The following AGPAT4 variants were observed in gnomAD, a reference collection of about 807,000 sequenced individuals.
The protein encoded by AGPAT4 is 1-acyl-sn-glycerol-3-phosphate acyltransferase delta.
In AGPAT4, 15 loss-of-function variants were observed where a neutral mutation model predicts 48.0. The ratio of observed to expected loss-of-function variants is 0.31; its 90% CI spans 0.21 to 0.48. AGPAT4 has a LOEUF of 0.48. Ranked by LOEUF, AGPAT4 falls within the 20% of genes least tolerant of loss-of-function variation. The probability of loss-of-function intolerance (pLI) is 0.99; values close to 1 mark genes in which losing one functional copy is unlikely to be tolerated. For missense variants in AGPAT4, 314 were observed against 482.5 expected (o/e 0.65, Z 3.27); for synonymous variants, 178 against 198.7 (o/e 0.90, Z 0.88).
chr6:161,182,354 C>T (rs557580184), intron 2 of AGPAT4, among the ~76,000 whole-genome samples: 3 of 147,766 alleles, frequency 2.0e-5, no homozygotes, highest in Non-Finnish European at 4.5e-5. Context: ...TCCCCTCACC[C>T]CAGCCCTGCA....
At chr6:161,247,981 C>CAAAAAAAAAAAAA (rs143168079) in intron 1 of AGPAT4, among the ~76,000 whole-genome samples, 1 of 28,212 alleles carries the variant, frequency 3.5e-5, no homozygotes, top group African/African-American at 1.5e-4. Context: ...GACTCTGTCT[C>CAAAAAAAAAAAAA]AAAAAAAAAA....
rs1473230449 is a variant in AGPAT4, at chr6:161,272,072, G to T, written c.-90+1866C>A. The stretch of plus-strand genomic sequence containing the variant: ...AAATAGTTCTCGTCTTTAACTCCAT[G>T]TGGCTCTGGTTTGTTTTGTGCCATG... On this transcript the variant is annotated intron_variant, in intron 1 of 8. Coordinates refer to ENST00000320285, the MANE Select transcript of AGPAT4 (RefSeq NM_020133.3). The surrounding 1 kb of genome is among the most constrained non-coding windows in gnomAD (Gnocchi z 4.2). Among the ~76,000 whole-genome samples, 1 of 152,108 alleles carries T rather than the reference G, an allele frequency of 6.6e-6. No homozygotes were observed. The highest frequency in any genetic ancestry group is 6.5e-5 in the Admixed American group (1 of 15,272).
intron 2 of AGPAT4, among the ~76,000 whole-genome samples, chr6:161,182,486 C>T (rs1367581934): frequency 6.7e-6 from 1 of 150,242 alleles, no homozygotes; most frequent in Non-Finnish European, 1.5e-5. Flanking sequence ...TGCATCCCAG[C>T]CTCTCACCCT....
chr6:161,242,530 G>A lies in AGPAT4; in HGVS notation c.-89-10228C>T, dbSNP rs1782522555. On this transcript the variant is annotated intron_variant, in intron 1 of 8. Transcript: ENST00000320285. The surrounding 1 kb of genome is among the most constrained non-coding windows in gnomAD (Gnocchi z 5.0). ...CAGCCTCATGGGGCTGGAGGGTGCA[G>A]ACCTCAGAGTAGGTACACATTCTGA... 6.6e-6 allele frequency among the ~76,000 whole-genome samples: 1 copy of A among 152,142 alleles called. No homozygotes were observed. Among genetic ancestry groups the A allele is most frequent in the African/African-American group, 2.4e-5 (1 of 41,426 alleles).
Position 161,214,096 on chromosome 6 carries a change from T to C in AGPAT4, c.178+17940A>G, listed in dbSNP as rs1781584483. On this transcript the variant is annotated intron_variant, in intron 2 of 8. Transcript: ENST00000320285. This position sits in a 1 kb window ranked among gnomAD's most constrained non-coding sequence, Gnocchi z 5.4. ...TTACTGCCTCCTTTGGAGAGGCTCA[T>C]CAGAAACTCAAAAGAATGCTACCAT... Among the ~76,000 whole-genome samples, 1 of 152,350 alleles carries C rather than the reference T, an allele frequency of 6.6e-6. No individual in the cohort carries two copies. The highest frequency in any genetic ancestry group is 2.4e-5 in the African/African-American group (1 of 41,590).
intron 2 of AGPAT4, among the ~76,000 whole-genome samples, chr6:161,203,585 C>T (rs573587260): frequency 3.2e-4 from 49 of 151,732 alleles, no homozygotes; most frequent in Non-Finnish European, 5.9e-4. Flanking sequence ...TTAGTAGAGA[C>T]GGGGGTTTCA....
At position 161,142,610 on chromosome 6, in the gene AGPAT4, C is replaced by T. The variant is rs555812020; in HGVS notation, c.844-2990G>A. The stretch of plus-strand genomic sequence containing the variant: ...GTGCGAAGGAGACGTCCACACAGCA[C>T]GTCCGCTCAGCTTTCCCAGGGCCCA... On this transcript the variant is annotated intron_variant, in intron 7 of 8. Transcript: ENST00000320285. This position sits in a 1 kb window ranked among gnomAD's most constrained non-coding sequence, Gnocchi z 6.4. Among the ~76,000 whole-genome samples the T allele has an allele frequency of 6.6e-6, 1 of 152,258 alleles. No individual in the cohort carries two copies. The highest frequency in any genetic ancestry group is 1.9e-4 in the East Asian group (1 of 5,164).
rs555049841 is a variant in AGPAT4, at chr6:161,218,623, G to A, written c.178+13413C>T. ...CCATAACACCGGGGCAGGATCCTCC[G>A]CTCCACGGCCCTAGCACAGTGTATC... On this transcript the variant is annotated intron_variant, in intron 2 of 8. Transcript: ENST00000320285. The surrounding 1 kb of genome is among the most constrained non-coding windows in gnomAD (Gnocchi z 4.7). 6.6e-5 allele frequency among the ~76,000 whole-genome samples: 10 copies of A among 152,270 alleles called. No homozygotes were observed. The highest frequency in any genetic ancestry group is 2.1e-4 in the South Asian group (1 of 4,826).
At chr6:161,167,207 G>C (rs1780126605) in intron 2 of AGPAT4, among the ~76,000 whole-genome samples, 1 of 152,076 alleles carries the variant, frequency 6.6e-6, no homozygotes, top group Non-Finnish European at 1.5e-5. Context: ...GGGCGCCTGA[G>C]TGCTCTGCGA....
Position 161,216,236 on chromosome 6 carries a change from C to A in AGPAT4, c.178+15800G>T, listed in dbSNP as rs542253566. Among the ~76,000 whole-genome samples, 1 of 152,296 alleles carries A rather than the reference C, an allele frequency of 6.6e-6. No homozygotes were observed. The highest frequency in any genetic ancestry group is 1.5e-5 in the Non-Finnish European group (1 of 68,028). Reference sequence around the variant, plus strand: ...CCACGTTGGGGTTGGGTGGGAATAACTCAATGGATGACTGAAGCAAAGGGT... The same window carrying A: ...CCACGTTGGGGTTGGGTGGGAATAAATCAATGGATGACTGAAGCAAAGGGT... On this transcript the variant is annotated intron_variant, in intron 2 of 8. Coordinates refer to ENST00000320285, the MANE Select transcript of AGPAT4 (RefSeq NM_020133.3). This position sits in a 1 kb window ranked among gnomAD's most constrained non-coding sequence, Gnocchi z 4.8.
rs1379008092 is a variant in AGPAT4 at position 161,171,276 on chromosome 6, C to T, written c.179-4859G>A. Among the ~76,000 whole-genome samples the T allele has an allele frequency of 6.6e-6, 1 of 152,200 alleles. No homozygotes were observed. The highest frequency in any genetic ancestry group is 1.5e-5 in the Non-Finnish European group (1 of 68,038). ...GTTTGTCTTAGTCCATTTTATGCTG[C>T]TGTAACAGAATAGTTGAGACTGGGC... On this transcript the variant is annotated intron_variant, in intron 2 of 8. Coordinates refer to ENST00000320285, the MANE Select transcript of AGPAT4 (RefSeq NM_020133.3). The surrounding 1 kb of genome is among the most constrained non-coding windows in gnomAD (Gnocchi z 4.4).
intron 2 of AGPAT4, among the ~76,000 whole-genome samples, chr6:161,174,198 T>G (rs1350172530): frequency 6.6e-6 from 1 of 152,248 alleles, no homozygotes; most frequent in African/African-American, 2.4e-5. Context: ...CATTGGTAGC[T>G]TGATAGGGAT....
chr6:161,135,003 A>T lies in AGPAT4; in HGVS notation c.*1537T>A, dbSNP rs925085209. 3.3e-4 allele frequency: 2 copies of T among 6,046 alleles called. No individual in the cohort carries two copies. The highest frequency in any genetic ancestry group is 2.3e-3 in the African/African-American group (2 of 864). The allele number at this position is 6,046 out of a possible 1,614,324, so 0.4% of individuals were successfully genotyped here. A position where few individuals can be genotyped will look rare whatever the true frequency, so the allele number is the denominator to read the frequency against. ...GGATTCAAATAATTCATTTGTATCA[A>T]CAAACAAACAATGCATTATTGTCCT... On this transcript the variant is annotated 3_prime_UTR_variant, in exon 9 of 9. Transcript: ENST00000320285.
rs1781077676 is a variant in AGPAT4 at position 161,196,795 on chromosome 6, A to G, written c.179-30378T>C. ...CTGTACTCCAGCCTAGGCAACAGAGAAAGACTCTATCTCCCCCCGCCAAAA... is the reference window on the plus strand; with the variant it reads ...CTGTACTCCAGCCTAGGCAACAGAGGAAGACTCTATCTCCCCCCGCCAAAA... On this transcript the variant is annotated intron_variant, in intron 2 of 8. Transcript: ENST00000320285. This position sits in a 1 kb window ranked among gnomAD's most constrained non-coding sequence, Gnocchi z 4.3. 6.6e-6 allele frequency among the ~76,000 whole-genome samples: 1 copy of G among 150,486 alleles called. No homozygotes were observed.
chr6:161,225,083 C>T lies in AGPAT4; in HGVS notation c.178+6953G>A, dbSNP rs1047842414. Among the ~76,000 whole-genome samples, 3 of 150,602 alleles carry T rather than the reference C, an allele frequency of 2.0e-5. No individual in the cohort carries two copies. The highest frequency in any genetic ancestry group is 5.0e-5 in the African/African-American group (2 of 40,048). On this transcript the variant is annotated intron_variant, in intron 2 of 8. Transcript: ENST00000320285. The surrounding 1 kb of genome is among the most constrained non-coding windows in gnomAD (Gnocchi z 5.0). Reference sequence around the variant, plus strand: ...TCCGATTACCTGCTTCACCCTGACTCATTCGGATTATTACCTGCTCTACCC... The same window carrying T: ...TCCGATTACCTGCTTCACCCTGACTTATTCGGATTATTACCTGCTCTACCC...
At position 161,240,225 on chromosome 6, in the gene AGPAT4, C is replaced by T. The variant is rs932594037; in HGVS notation, c.-89-7923G>A. Among the ~76,000 whole-genome samples the T allele has an allele frequency of 3.0e-4, 7 of 23,268 alleles. No homozygotes were observed. The highest frequency in any genetic ancestry group is 2.1e-3 in the African/African-American group (6 of 2,806). 15.3% of individuals were successfully genotyped at this position (23,268 alleles called of 152,430 possible). The stretch of plus-strand genomic sequence containing the variant: ...AACAGCAGATATCTTTGTGTATACA[C>T]ACACACACACACACACACACACACA... On this transcript the variant is annotated intron_variant, in intron 1 of 8. Coordinates refer to ENST00000320285, the MANE Select transcript of AGPAT4 (RefSeq NM_020133.3). The surrounding 1 kb of genome is among the most constrained non-coding windows in gnomAD (Gnocchi z 5.5).
At position 161,255,748 on chromosome 6, in the gene AGPAT4, T is replaced by C. The variant is rs1380806589; in HGVS notation, c.-90+18190A>G. Among the ~76,000 whole-genome samples, 2 of 152,032 alleles carry C rather than the reference T, an allele frequency of 1.3e-5. No individual in the cohort carries two copies. Among genetic ancestry groups the C allele is most frequent in the East Asian group, 3.9e-4 (2 of 5,168 alleles). ...CAGGATGGGGGAGTGACTGCTGATA[T>C]GTACGGTTTCTCTCTGAGGTGCTAA... On this transcript the variant is annotated intron_variant, in intron 1 of 8. Coordinates refer to ENST00000320285, the MANE Select transcript of AGPAT4 (RefSeq NM_020133.3). This position sits in a 1 kb window ranked among gnomAD's most constrained non-coding sequence, Gnocchi z 4.7.
In AGPAT4 at chr6:161,166,894, G is replaced by A. The variant is rs1780115008; in HGVS notation, c.179-477C>T. 6.6e-6 allele frequency among the ~76,000 whole-genome samples: 1 copy of A among 152,196 alleles called. No homozygotes were observed. ...GGCAGGGGAAGAATGGAGAACGGCA[G>A]ATCCAGCCGCAGGAGCCCCAGCACC... is the stretch of plus-strand genomic sequence containing the variant. On this transcript the variant is annotated intron_variant, in intron 2 of 8. Coordinates refer to ENST00000320285, the MANE Select transcript of AGPAT4 (RefSeq NM_020133.3). The surrounding 1 kb of genome is among the most constrained non-coding windows in gnomAD (Gnocchi z 6.7).
At chr6:161,227,622 T>C (rs899806979) in intron 2 of AGPAT4, among the ~76,000 whole-genome samples, 2 of 152,210 alleles carry the variant, frequency 1.3e-5, no homozygotes, top group Non-Finnish European at 2.9e-5. Flanking sequence ...CCTGATCCCA[T>C]CTTCCAGATA....
Sources: allele counts gnomAD v4.1 joint callset (sites outside exome capture counted in the v4.1 genomes callset), GRCh38; gene constraint gnomAD v4.1.1; non-coding constraint Gnocchi (gnomAD v3.1); transcripts MANE v1.5; gene names NCBI Gene and HGNC (gene_info 2026-07-23, HGNC 2026-07-21).